RBFOX3: variants seen among roughly 807,000 people sequenced by gnomAD.
The protein encoded by RBFOX3 is RNA binding protein fox-1 homolog 3.
Under a neutral mutation model 48.7 loss-of-function variants are expected in RBFOX3, and 17 were observed. That is an observed-to-expected ratio of 0.35 (90% CI 0.24 to 0.52). The LOEUF is 0.52. Ranked by LOEUF, RBFOX3 falls within the 20% of genes least tolerant of loss-of-function variation. The pLI, the probability that RBFOX3 is intolerant of heterozygous loss-of-function variation, is 0.94. For synonymous variants in RBFOX3, 212 were observed against 209.5 expected (o/e 1.01, Z -0.10); for missense variants, 382 against 497.5 (o/e 0.77, Z 2.21).
chr17:79,342,259 G>T (rs866447107), intron 2 of RBFOX3, among the ~76,000 whole-genome samples: 3 of 152,366 alleles, frequency 2.0e-5, no homozygotes, highest in South Asian at 2.1e-4. Flanking sequence ...CAGGGTGACT[G>T]CGGCTACTCT....
At chr17:79,238,979 T>C (rs1339491451) in intron 3 of RBFOX3, among the ~76,000 whole-genome samples, 6 of 152,098 alleles carry the variant, frequency 3.9e-5, no homozygotes, top group Non-Finnish European at 8.8e-5. Context: ...TCGTCCTCCA[T>C]CGTTTCACAG....
chr17:79,137,612 C>T (rs1161664789), intron 4 of RBFOX3, among the ~76,000 whole-genome samples: 2 of 152,198 alleles, frequency 1.3e-5, no homozygotes, highest in African/African-American at 4.8e-5. Context: ...CGCCTCCTTT[C>T]CTCCCAGCCA....
At chr17:79,462,461 G>A (rs1356656291) in intron 2 of RBFOX3, among the ~76,000 whole-genome samples, 2 of 152,198 alleles carry the variant, frequency 1.3e-5, no homozygotes, top group Non-Finnish European at 2.9e-5. Flanking sequence ...AGCCCTCAAC[G>A]TTAGATGTTA....
intron 4 of RBFOX3, among the ~76,000 whole-genome samples, chr17:79,202,336 C>T (rs1422911534): frequency 5.3e-5 from 8 of 152,138 alleles, no homozygotes; most frequent in African/African-American, 9.7e-5. Context: ...TCGGGTACCA[C>T]GCTCACGTAT....
At chr17:79,209,753 G>T (rs544697315) in intron 4 of RBFOX3, among the ~76,000 whole-genome samples, 1 of 152,200 alleles carries the variant, frequency 6.6e-6, no homozygotes, top group African/African-American at 2.4e-5. Context: ...CAGCACTTTG[G>T]GAGGCGGAGG....
At chr17:79,315,559 C>A (rs1193274986) in intron 2 of RBFOX3, among the ~76,000 whole-genome samples, 1 of 152,202 alleles carries the variant, frequency 6.6e-6, no homozygotes, top group African/African-American at 2.4e-5. Flanking sequence ...CCACTGCGGC[C>A]AGACAGATGT....
chr17:79,313,187 TGGC>T (rs906560691), intron 2 of RBFOX3, among the ~76,000 whole-genome samples: 33 of 152,324 alleles, frequency 2.2e-4, no homozygotes, highest in African/African-American at 7.7e-4. Flanking sequence ...CCCTTGCTTC[TGGC>T]ACCTTCCAGG....
chr17:79,379,002 GCCC>G (rs1335539615), intron 2 of RBFOX3, among the ~76,000 whole-genome samples: 1 of 152,180 alleles, frequency 6.6e-6, no homozygotes. Context: ...CCGTGTCCCA[GCCC>G]TGGGTCTGAC....
At chr17:79,632,476 G>A in the RBFOX3 span, among the ~76,000 whole-genome samples, 1 of 152,102 alleles carries the variant, frequency 6.6e-6, no homozygotes, top group African/African-American at 2.4e-5. Context: ...AGGACCCCAT[G>A]TCTGGGGTCT....
chr17:79,370,320 T>TGCCTGAGCCCCACCCAGG (rs1284429877), intron 2 of RBFOX3, among the ~76,000 whole-genome samples: 8 of 152,292 alleles, frequency 5.3e-5, no homozygotes, highest in Admixed American at 2.6e-4. Context: ...CCCCACCCAG[T>TGCCTGAGCCCCACCCAGG]GCCTGAGCCC....
chr17:79,377,550 C>T (rs1455754056), intron 2 of RBFOX3, among the ~76,000 whole-genome samples: 4 of 152,198 alleles, frequency 2.6e-5, no homozygotes, highest in South Asian at 4.1e-4. Context: ...GTAGGTGCGG[C>T]GGCCGAGGAA....
At chr17:79,422,794 G>T (rs1184692639) in intron 2 of RBFOX3, among the ~76,000 whole-genome samples, 4 of 152,182 alleles carry the variant, frequency 2.6e-5, no homozygotes, top group East Asian at 3.8e-4. Flanking sequence ...GCATTTGGAG[G>T]TGGAGCCTAT....
At chr17:79,326,524 T>C (rs1283147934) in intron 2 of RBFOX3, among the ~76,000 whole-genome samples, 1 of 152,178 alleles carries the variant, frequency 6.6e-6, no homozygotes, top group Admixed American at 6.5e-5. Context: ...CACCATAATC[T>C]TATTCTTACT....
At chr17:79,603,714 C>G (rs2093761315) in intron 1 of RBFOX3, 1 of 152,296 alleles carries the variant, frequency 6.6e-6, no homozygotes, top group African/African-American at 2.4e-5. Context: ...TAGCAACATG[C>G]TCGTTCCTCT....
At chr17:79,380,385 G>A (rs1301561350) in intron 2 of RBFOX3, among the ~76,000 whole-genome samples, 1 of 152,178 alleles carries the variant, frequency 6.6e-6, no homozygotes, top group Non-Finnish European at 1.5e-5. Context: ...CTTTATCCAA[G>A]GCTCTTGTGA....
intron 4 of RBFOX3, among the ~76,000 whole-genome samples, chr17:79,211,507 T>C (rs78264371): frequency 1.2e-4 from 18 of 152,238 alleles, no homozygotes; most frequent in Non-Finnish European, 2.2e-4. Flanking sequence ...CTGCTGGGAC[T>C]GGCTCCAGGT....
chr17:79,438,504 A>G (rs9302898), intron 2 of RBFOX3, among the ~76,000 whole-genome samples: 52,792 of 152,116 alleles, frequency 0.35, 9,372 homozygotes, highest in Middle Eastern at 0.4. Context: ...CTAAACGCTG[A>G]TCTGGCTCTC....
At chr17:79,097,180 C>CT (rs928996672) in intron 11 of RBFOX3, 112 bp downstream of exon 11, 4 of 910,990 alleles carry the variant, frequency 4.4e-6, no homozygotes, top group Middle Eastern at 3.5e-4. Flanking sequence ...TCCTCCCCCC[C>CT]CCCAGGTCTG....
intron 2 of RBFOX3, among the ~76,000 whole-genome samples, chr17:79,411,731 A>G (rs1568202532): frequency 1.3e-5 from 2 of 152,190 alleles, no homozygotes; most frequent in Non-Finnish European, 2.9e-5. Flanking sequence ...CATGCATGCA[A>G]TGGTTGTTCT....
Sources: allele counts gnomAD v4.1 joint callset (sites outside exome capture counted in the v4.1 genomes callset), GRCh38; gene constraint gnomAD v4.1.1; transcripts MANE v1.5; gene names NCBI Gene and HGNC (gene_info 2026-07-23, HGNC 2026-07-21).